LIPA: variants seen among roughly 807,000 people sequenced by gnomAD.
The protein encoded by LIPA is lysosomal acid lipase/cholesteryl ester hydrolase.
Under a neutral mutation model 40.6 loss-of-function variants are expected in LIPA, and 26 were observed. That is an observed-to-expected ratio of 0.64 (90% CI 0.47 to 0.89). The LOEUF is 0.89. LIPA is among the 40% of genes least tolerant of loss of function. The pLI is 0.00. For missense variants in LIPA, 455 were observed against 479.6 expected (o/e 0.95, Z 0.48); for synonymous variants, 188 against 168.4 (o/e 1.12, Z -0.90).
At chr10:89,401,757 G>A (rs1196613229) in intron 2 of LIPA, among the ~76,000 whole-genome samples, 2 of 147,612 alleles carry the variant, frequency 1.4e-5, no homozygotes, top group African/African-American at 5.0e-5. Context: ...AACTTTCCGT[G>A]AATCTGTAAT....
rs140335757 is a variant in LIPA, at chr10:89,371,096, G to A, written c.61+41695C>T. Among the ~76,000 whole-genome samples, 335 of 152,322 alleles carry A rather than the reference G, an allele frequency of 2.2e-3. 4 individuals are homozygous for A. Among genetic ancestry groups the A allele is most frequent in the Non-Finnish European group, 2.3e-3 (156 of 68,036 alleles). On this transcript the variant is annotated intron_variant, in intron 2 of 8. Transcript: ENST00000371837. ...CAGGGGCAAAATTGCCCCCATTTGAGAACTGTTCATTTAAAGCAGTAATCA... is the reference window on the plus strand; with the variant it reads ...CAGGGGCAAAATTGCCCCCATTTGAAAACTGTTCATTTAAAGCAGTAATCA...
intron 1 of LIPA, among the ~76,000 whole-genome samples, chr10:89,311,405 C>T (rs1843514702): frequency 6.6e-6 from 1 of 151,478 alleles, no homozygotes; most frequent in Admixed American, 6.6e-5. Context: ...CGGTGTGTGC[C>T]TGTAATCCCA....
chr10:89,348,839 C>T (rs926690532), intron 2 of LIPA, among the ~76,000 whole-genome samples: 13 of 152,108 alleles, frequency 8.5e-5, no homozygotes, highest in African/African-American at 3.1e-4. Flanking sequence ...AAGAAGGAGT[C>T]CCTGCTCCAT....
chr10:89,260,348 C>T (rs1052521335), intron 1 of LIPA, among the ~76,000 whole-genome samples: 1 of 152,160 alleles, frequency 6.6e-6, no homozygotes, highest in African/African-American at 2.4e-5. Flanking sequence ...TTGCAGATTC[C>T]GAGCTGAACA....
Position 89,362,463 on chromosome 10 carries a change from C to T in LIPA, c.61+50328G>A, listed in dbSNP as rs577560582. The T allele has an allele frequency of 2.2e-5, 4 of 181,676 alleles. No homozygotes were observed. In the South Asian group the frequency reaches 6.2e-4, roughly 28 times the overall value. 11.3% of individuals were successfully genotyped at this position (181,676 alleles called of 1,614,324 possible). On this transcript the variant is annotated intron_variant, in intron 2 of 8. Transcript: ENST00000371837. ...AGTGTGGGAATGCACAACATACTAGCTTATGTGAAACACTGGAAGGGCCAG... is the reference window on the plus strand; with the variant it reads ...AGTGTGGGAATGCACAACATACTAGTTTATGTGAAACACTGGAAGGGCCAG...
chr10:89,369,304 G>A (rs1220826149), intron 2 of LIPA, among the ~76,000 whole-genome samples: 1 of 152,132 alleles, frequency 6.6e-6, no homozygotes, highest in Non-Finnish European at 1.5e-5. Flanking sequence ...GAGACACTGG[G>A]CTGAGGAAAC....
chr10:89,384,934 T>A, intron 2 of LIPA: 1 of 553,994 alleles, frequency 1.8e-6, no homozygotes, highest in Non-Finnish European at 3.2e-6. Flanking sequence ...AAAGGCCTTG[T>A]GGCACCAGAC....
At chr10:89,294,273 T>G (rs1385805790) in intron 1 of LIPA, among the ~76,000 whole-genome samples, 1 of 152,256 alleles carries the variant, frequency 6.6e-6, no homozygotes, top group African/African-American at 2.4e-5. Context: ...AGTCCATTTT[T>G]TTCTGCTATA....
At chr10:89,384,459 C>G in intron 2 of LIPA, 1 of 1,614,168 alleles carries the variant, frequency 6.2e-7, no homozygotes. Flanking sequence ...AGATTCATTA[C>G]CACTACGGCC....
chr10:89,398,734 T>A (rs888922256), intron 2 of LIPA, among the ~76,000 whole-genome samples: 1 of 152,236 alleles, frequency 6.6e-6, no homozygotes, highest in African/African-American at 2.4e-5. Flanking sequence ...GGCTGAATAT[T>A]CCATTGTATG....
At chr10:89,404,205 CAAAG>C (rs1844492685) in intron 2 of LIPA, 1 of 152,534 alleles carries the variant, frequency 6.6e-6, no homozygotes, top group Non-Finnish European at 1.5e-5. Flanking sequence ...CCATGGAAAA[CAAAG>C]AACAGAAGAC....
At chr10:89,248,147 G>A (rs1413644198) in intron 1 of LIPA, among the ~76,000 whole-genome samples, 1 of 147,904 alleles carries the variant, frequency 6.8e-6, no homozygotes, top group Non-Finnish European at 1.5e-5. Context: ...TTACAGGCGT[G>A]AGCCACCGCG....
intron 2 of LIPA, chr10:89,404,940 A>G (rs936806253): frequency 2.0e-5 from 3 of 151,654 alleles, no homozygotes; most frequent in African/African-American, 7.3e-5. Flanking sequence ...ATTCTGGATG[A>G]TAGAACGAGA....
upstream of LIPA, among the ~76,000 whole-genome samples, chr10:89,255,284 A>T (rs1183919780): frequency 6.6e-6 from 1 of 152,224 alleles, no homozygotes; most frequent in Non-Finnish European, 1.5e-5. Context: ...AGAAGGCAAA[A>T]GGCACGTCTT....
At position 89,248,434 on chromosome 10, in the gene LIPA, ATTATTTTATATTTATTTATTTAT is replaced by A. The variant is rs1487244609; in HGVS notation, c.-1-808_-1-786del. On this transcript the variant is annotated intron_variant, in intron 1 of 9. Coordinates refer to ENST00000336233, the MANE Select transcript of LIPA (RefSeq NM_000235.4). Reference sequence around the variant, plus strand: ...GCCTCCCAAAGGAATTATTATTATTATTATTTTATATTTATTTATTTATTTATTTATTTATTTATTTATTTATT... The same window carrying A: ...GCCTCCCAAAGGAATTATTATTATTATTATTTATTTATTTATTTATTTATT... Among the ~76,000 whole-genome samples, 69 of 88,848 alleles carry A rather than the reference ATTATTTTATATTTATTTATTTAT, an allele frequency of 7.8e-4. 1 individual carries two copies. The South Asian group carries it at 0.026, about 34-fold the overall frequency. 58.3% of individuals were successfully genotyped at this position (88,848 alleles called of 152,430 possible).
intron 2 of LIPA, among the ~76,000 whole-genome samples, chr10:89,361,675 C>T (rs192158273): frequency 2.0e-5 from 3 of 152,164 alleles, no homozygotes; most frequent in East Asian, 3.9e-4. Flanking sequence ...AGACAAAATG[C>T]ATTTGCTGAT....
intron 1 of LIPA, chr10:89,339,734 C>A (rs201279901): frequency 1.1e-5 from 18 of 1,614,140 alleles, no homozygotes; most frequent in Non-Finnish European, 5.1e-6. Flanking sequence ...AAGCAACAAT[C>A]CCATCAGCGC....
chr10:89,396,052 G>T (rs1306921141), intron 2 of LIPA, among the ~76,000 whole-genome samples: 1 of 152,142 alleles, frequency 6.6e-6, no homozygotes, highest in Non-Finnish European at 1.5e-5. Context: ...CTGTGTGCAA[G>T]TTTTTATTTG....
upstream of LIPA, among the ~76,000 whole-genome samples, chr10:89,344,537 G>A (rs907253438): frequency 2.3e-4 from 35 of 151,604 alleles, 1 homozygote; most frequent in African/African-American, 5.3e-4. Flanking sequence ...AGGAAAAAAA[G>A]TCATTGATAA....
Sources: gnomAD v4.1 joint callset for allele counts (sites outside exome capture counted in the v4.1 genomes callset) on GRCh38, gnomAD v4.1.1 for gene constraint, MANE v1.5 for transcripts, NCBI Gene and HGNC (gene_info 2026-07-23, HGNC 2026-07-21) for gene names.